HMCN2: variants seen among roughly 807,000 people sequenced by gnomAD.
HMCN2 encodes the protein hemicentin 2.
A neutral mutation model predicts 377.5 loss-of-function variants in HMCN2; 325 were observed. The observed-to-expected ratio is 0.86, with a 90% CI of 0.79 to 0.94. HMCN2 has a LOEUF of 0.94. Ranked by LOEUF, HMCN2 falls within the 40% of genes least tolerant of loss-of-function variation. The probability of loss-of-function intolerance (pLI) is 0.00; values close to 1 mark genes in which losing one functional copy is unlikely to be tolerated. For missense variants in HMCN2, 4,543 were observed against 4,725.3 expected, an observed-to-expected ratio of 0.96 and a Z score of 1.13; for synonymous variants, 2,007 against 2,046.8, an observed-to-expected ratio of 0.98 and a Z score of 0.53.
intron 25 of HMCN2, among the ~76,000 whole-genome samples, chr9:130,344,271 G>A (rs1839220603): frequency 1.3e-5 from 2 of 152,174 alleles, no homozygotes; most frequent in South Asian, 2.1e-4. Context: ...GTGTGCGAAT[G>A]TGTAGTGTGT....
In HMCN2 at chr9:130,267,787, G is replaced by A. The variant is rs1017940709; in HGVS notation, c.259+1650G>A. Among the ~76,000 whole-genome samples, 6 of 152,220 alleles carry A rather than the reference G, an allele frequency of 3.9e-5. 1 individual carries two copies. In the South Asian group the frequency reaches 1.2e-3, roughly 32 times the overall value. Reference sequence around the variant, plus strand: ...CAAAGATTTCTAGGAACATCAGATGGACAGCTTCTATCTTGGAGTCAGGGG... The same window carrying A: ...CAAAGATTTCTAGGAACATCAGATGAACAGCTTCTATCTTGGAGTCAGGGG... On this transcript the variant is annotated intron_variant, in intron 1 of 97. Coordinates refer to ENST00000683500, the MANE Select transcript of HMCN2 (RefSeq NM_001291815.2).
Position 130,431,439 on chromosome 9 carries a change from T to G in HMCN2, c.14720T>G (p.Leu4907Arg). The G allele has an allele frequency of 6.5e-7, 1 of 1,550,224 alleles. No individual in the cohort carries two copies. The highest frequency in any genetic ancestry group is 1.4e-5 in the African/African-American group (1 of 73,176). ...AACACTGAGGGCAGCTACCAGTGCC[T>G]GTGCCCCGCCGGCTACCGTCTGCTC... ...CRNTEGSYQC[L>R]CPAGYRLLPS... Residue 4907 changes from leucine to arginine, a missense_variant, in exon 96 of 98, where the codon CTG becomes CGG. Transcript: ENST00000683500.
At chr9:130,291,545 A>G (rs536130742) in intron 4 of HMCN2, among the ~76,000 whole-genome samples, 2 of 152,340 alleles carry the variant, frequency 1.3e-5, no homozygotes, top group African/African-American at 4.8e-5. Context: ...TTACTTTAAT[A>G]AAAAATTACT....
chr9:130,348,794 G>T, intron 27 of HMCN2, 119 bp downstream of exon 27: 1 of 1,250,162 alleles, frequency 8.0e-7, no homozygotes, highest in Non-Finnish European at 1.0e-6. Flanking sequence ...GGTGTCTTTG[G>T]TGGTGCTCTG....
intron 54 of HMCN2, 37 bp from the exon 55 acceptor site, chr9:130,382,145 TCG>T (rs1174633800): frequency 5.4e-5 from 51 of 937,200 alleles, no homozygotes; most frequent in Admixed American, 6.2e-5. Flanking sequence ...GGGGTGACTC[TCG>T]TGCCTGAGCC....
chr9:130,277,114 C>T (rs575266240), intron 1 of HMCN2, among the ~76,000 whole-genome samples: 1 of 152,364 alleles, frequency 6.6e-6, no homozygotes, highest in South Asian at 2.1e-4. Context: ...CCGTTCCACC[C>T]ATGCGTGCTC....
In HMCN2 at chr9:130,268,910, T is replaced by C. The variant is rs1393288222; in HGVS notation, c.259+2773T>C. Among the ~76,000 whole-genome samples, 2 of 148,952 alleles carry C rather than the reference T, an allele frequency of 1.3e-5. 1 individual carries two copies. Among genetic ancestry groups the C allele is most frequent in the Non-Finnish European group, 3.0e-5 (2 of 66,268 alleles). ...GATTTCCTTTTCCTTCTATGGGCTG[T>C]GAACAGCCACCGAGGGCTTCTGAGC... is the stretch of plus-strand genomic sequence containing the variant. On this transcript the variant is annotated intron_variant, in intron 1 of 97. Transcript: ENST00000683500.
intron 1 of HMCN2, among the ~76,000 whole-genome samples, chr9:130,277,387 G>A (rs1448582388): frequency 6.6e-6 from 1 of 152,218 alleles, no homozygotes; most frequent in Non-Finnish European, 1.5e-5. Context: ...GCAGGCACAG[G>A]ACAAGGGTCT....
At position 130,377,680 on chromosome 9, in the gene HMCN2, T is replaced by C; in HGVS notation, c.8093T>C (p.Leu2698Pro). 9.1e-6 allele frequency: 9 copies of C among 985,902 alleles called. No homozygotes were observed. The highest frequency in any genetic ancestry group is 1.1e-5 in the Non-Finnish European group (9 of 829,970). 61.1% of individuals were successfully genotyped at this position (985,902 alleles called of 1,614,324 possible). A position where few individuals can be genotyped will look rare whatever the true frequency, so the allele number is the denominator to read the frequency against. Residue 2698 changes from leucine (L) to proline (P), a missense_variant, in exon 53 of 98, where the codon CTG (leucine) becomes CCG (proline). By Grantham distance (98) the Leu-to-Pro change is moderately conservative. Transcript: ENST00000683500. ...PVTPSSRLQV[L>P]GEGRLLQIQP... is the part of the protein sequence containing the mutation. Reference sequence around the variant, plus strand: ...ACCCCCAGCTCGCGGCTGCAGGTCCTGGGTGAAGGGCGACTGCTCCAGATC... The same window carrying C: ...ACCCCCAGCTCGCGGCTGCAGGTCCCGGGTGAAGGGCGACTGCTCCAGATC...
chr9:130,431,112 G>A (rs79730971), intron 95 of HMCN2: 28,799 of 560,982 alleles, frequency 0.051, 1,130 homozygotes, highest in African/African-American at 0.16. Context: ...CCTGGACGGA[G>A]GGGTCTGCGG....
intron 8 of HMCN2, among the ~76,000 whole-genome samples, chr9:130,302,098 G>A (rs1361663495): frequency 1.3e-5 from 2 of 151,778 alleles, no homozygotes; most frequent in Non-Finnish European, 2.9e-5. Context: ...CTGGAGTGTA[G>A]TGGTGTGATC....
In HMCN2 at chr9:130,375,585, G is replaced by T; in HGVS notation, c.7653G>T (p.Gly2551=). The T allele has an allele frequency of 1.0e-6, 1 of 985,826 alleles. No individual in the cohort carries two copies. Among genetic ancestry groups the T allele is most frequent in the Non-Finnish European group, 1.2e-6 (1 of 829,948 alleles). 61.1% of individuals were successfully genotyped at this position (985,826 alleles called of 1,614,324 possible). A position where few individuals can be genotyped will look rare whatever the true frequency, so the allele number is the denominator to read the frequency against. ...SVLLAPTILG[G]AEDSADEEVT... Reference sequence around the variant, plus strand: ...CAGTGGCTCCCACCATCCTGGGAGGGGCCGAGGACAGTGCAGATGAGGAGG... The same window carrying T: ...CAGTGGCTCCCACCATCCTGGGAGGTGCCGAGGACAGTGCAGATGAGGAGG... The change falls in exon 50 of 98, where the codon GGG becomes GGT. Residue 2551 remains glycine, a synonymous_variant. Coordinates refer to ENST00000683500, the MANE Select transcript of HMCN2 (RefSeq NM_001291815.2).
intron 85 of HMCN2, among the ~76,000 whole-genome samples, chr9:130,417,962 A>G (rs927805037): frequency 2.6e-5 from 4 of 152,152 alleles, no homozygotes; most frequent in African/African-American, 7.2e-5. Flanking sequence ...AGGAGGGTCT[A>G]TAATAGTAAG....
intron 50 of HMCN2, 60 bp from the exon 51 acceptor site, chr9:130,375,816 C>T (rs1045785845): frequency 7.1e-6 from 7 of 981,946 alleles, no homozygotes; most frequent in Non-Finnish European, 8.5e-6. Flanking sequence ...GTGAGCCTGT[C>T]CTCATGCCTG....
rs527906559 is a variant in HMCN2, at chr9:130,400,677, C to G, written c.11606-106C>G. 44 of 808,824 alleles carry G rather than the reference C, an allele frequency of 5.4e-5. 1 individual carries two copies. In the African/African-American group the frequency reaches 7.5e-4, roughly 14 times the overall value. The allele number at this position is 808,824 out of a possible 1,614,324, so 50.1% of individuals were successfully genotyped here. A position where few individuals can be genotyped will look rare whatever the true frequency, so the allele number is the denominator to read the frequency against. On this transcript the variant is annotated intron_variant, in intron 76 of 97. Transcript: ENST00000683500. ...CTCTGTTGCCACCTCCCTCCTTGGC[C>G]CTTTGTCACTGATGTCACCTTGTGT... is the stretch of plus-strand genomic sequence containing the variant.
chr9:130,417,125 C>A (rs1843736119), intron 85 of HMCN2, among the ~76,000 whole-genome samples: 1 of 151,238 alleles, frequency 6.6e-6, no homozygotes, highest in Non-Finnish European at 1.5e-5. Context: ...GTTGGCCAGG[C>A]TCTTCTCAAA....
intron 62 of HMCN2, among the ~76,000 whole-genome samples, chr9:130,389,568 G>A (rs963620859): frequency 6.8e-5 from 10 of 146,746 alleles, no homozygotes; most frequent in Non-Finnish European, 1.0e-4. Flanking sequence ...GCATGGATCA[G>A]TACTTCATTC....
At chr9:130,401,833 G>A (rs1842865214) in intron 77 of HMCN2, among the ~76,000 whole-genome samples, 1 of 152,148 alleles carries the variant, frequency 6.6e-6, no homozygotes, top group South Asian at 2.1e-4. Flanking sequence ...CAGCACTTTG[G>A]GAGGCTGAGG....
chr9:130,425,958 C>G, intron 90 of HMCN2, 34 bp downstream of exon 90: 1 of 1,484,180 alleles, frequency 6.7e-7, no homozygotes. Context: ...ACCCCCACTG[C>G]CCCAGCTAAA....
Sources: allele counts gnomAD v4.1 joint callset (sites outside exome capture counted in the v4.1 genomes callset), GRCh38; gene constraint gnomAD v4.1.1; transcripts MANE v1.5; gene names NCBI Gene and HGNC (gene_info 2026-07-23, HGNC 2026-07-21).